COL14A1: variants seen among roughly 807,000 people sequenced by gnomAD.
COL14A1 encodes collagen alpha-1(XIV) chain.
COL14A1 carries 136 observed loss-of-function variants against 230.3 expected under a neutral mutation model. The ratio of observed to expected loss-of-function variants is 0.59; its 90% CI spans 0.51 to 0.68. The LOEUF (loss-of-function observed/expected upper bound fraction) is 0.68. COL14A1 is among the 30% of genes least tolerant of loss of function. COL14A1 has a pLI of 0.00. For synonymous variants in COL14A1, 792 were observed against 784.1 expected (o/e 1.01, Z -0.17); for missense variants, 1,976 against 2,215.8 (o/e 0.89, Z 2.17).
intron 34 of COL14A1, among the ~76,000 whole-genome samples, chr8:120,290,926 A>G (rs986647953): frequency 2.6e-5 from 4 of 152,212 alleles, no homozygotes; most frequent in Non-Finnish European, 5.9e-5. Context: ...CTTACAGTTG[A>G]AGTATCTTTA....
chr8:120,351,137 A>G (rs1340452886), intron 45 of COL14A1, among the ~76,000 whole-genome samples: 2 of 143,230 alleles, frequency 1.4e-5, no homozygotes, highest in East Asian at 4.2e-4. Context: ...CTGAATGACT[A>G]CTGGGTACAT....
chr8:120,260,367 A>G (rs1008416163), intron 23 of COL14A1, among the ~76,000 whole-genome samples: 3 of 152,186 alleles, frequency 2.0e-5, no homozygotes, highest in Non-Finnish European at 2.9e-5. Flanking sequence ...CTTATAAAAT[A>G]GACAAAAATT....
chr8:120,162,754 C>T (rs373830199), intron 4 of COL14A1, among the ~76,000 whole-genome samples, 185 bp downstream of exon 4: 1 of 152,148 alleles, frequency 6.6e-6, no homozygotes, highest in East Asian at 1.9e-4. Flanking sequence ...CCTTCCCTTT[C>T]CCCCATTTTG....
intron 26 of COL14A1, among the ~76,000 whole-genome samples, chr8:120,271,681 A>G (rs1819670086): frequency 6.6e-6 from 1 of 151,610 alleles, no homozygotes; most frequent in Non-Finnish European, 1.5e-5. Context: ...TTGAAACTTC[A>G]TACACCAAAA....
At chr8:120,337,659 A>G (rs1822132368) in intron 42 of COL14A1, among the ~76,000 whole-genome samples, 1 of 152,006 alleles carries the variant, frequency 6.6e-6, no homozygotes, top group South Asian at 2.1e-4. Context: ...TAGCTGCTGT[A>G]TTTTCTTTTC....
rs3054171 is a variant in COL14A1 at position 120,334,585 on chromosome 8, A to AACACACACACACAC, written c.4785+1871_4785+1884dup. On this transcript the variant is annotated intron_variant, in intron 42 of 47. Transcript: ENST00000297848. ...AAAAATGCATGCGTTCACACACAAA[A>AACACACACACACAC]ACACACACACACACACACACACACA... is the stretch of plus-strand genomic sequence containing the variant. Among the ~76,000 whole-genome samples, 205 of 144,778 alleles carry AACACACACACACAC rather than the reference A, an allele frequency of 1.4e-3. 2 individuals carry two copies. The highest frequency in any genetic ancestry group is 4.2e-3 in the East Asian group (20 of 4,742). The allele number at this position is 144,778 out of a possible 152,430, so 95.0% of individuals were successfully genotyped here.
intron 19 of COL14A1, among the ~76,000 whole-genome samples, chr8:120,237,713 G>A (rs1253155438): frequency 6.6e-6 from 1 of 152,170 alleles, no homozygotes; most frequent in Non-Finnish European, 1.5e-5. Flanking sequence ...GAAACTTTCA[G>A]CCTTTTTATG....
intron 5 of COL14A1, among the ~76,000 whole-genome samples, chr8:120,169,652 T>C (rs1285872844): frequency 6.6e-6 from 1 of 152,122 alleles, no homozygotes. Context: ...CTTGCAACTT[T>C]ATTCATCTTT....
chr8:120,126,385 A>C (rs1814336778), intron 1 of COL14A1, among the ~76,000 whole-genome samples: 1 of 152,180 alleles, frequency 6.6e-6, no homozygotes, highest in South Asian at 2.1e-4. Flanking sequence ...CCGTGTCCAA[A>C]TGAAGCTTGT....
chr8:120,133,368 A>G (rs796695316), intron 1 of COL14A1, among the ~76,000 whole-genome samples: 2 of 152,198 alleles, frequency 1.3e-5, no homozygotes, highest in South Asian at 4.1e-4. Flanking sequence ...GCTACAGATT[A>G]ATTTCACTAA....
chr8:120,265,424 T>C (rs1270264985), intron 24 of COL14A1, among the ~76,000 whole-genome samples: 1 of 152,106 alleles, frequency 6.6e-6, no homozygotes, highest in Non-Finnish European at 1.5e-5. Flanking sequence ...AATTTCTCAT[T>C]TTTTAAATTT....
chr8:120,330,957 T>C (rs1821841514), intron 40 of COL14A1, among the ~76,000 whole-genome samples: 1 of 151,850 alleles, frequency 6.6e-6, no homozygotes, highest in Non-Finnish European at 1.5e-5. Flanking sequence ...AATACGAAAT[T>C]AGCCAGTCGT....
intron 35 of COL14A1, among the ~76,000 whole-genome samples, chr8:120,298,642 A>C (rs1454158511): frequency 8.7e-5 from 5 of 57,182 alleles, no homozygotes; most frequent in Admixed American, 7.9e-4. Flanking sequence ...TATATATACA[A>C]AAATACAGAT....
chr8:120,296,906 C>T (rs577796778), intron 34 of COL14A1, among the ~76,000 whole-genome samples: 108 of 152,068 alleles, frequency 7.1e-4, no homozygotes, highest in Non-Finnish European at 1.2e-3. Flanking sequence ...GCTCCCCTCT[C>T]ACTCCCTGTA....
chr8:120,226,691 C>T lies in COL14A1; in HGVS notation c.1929C>T (p.Thr643=). 6.2e-7 allele frequency: 1 copy of T among 1,613,856 alleles called. No homozygotes were observed. Among genetic ancestry groups the T allele is most frequent in the Non-Finnish European group, 8.5e-7 (1 of 1,179,860 alleles). The change falls in exon 16 of 48, where the codon ACC becomes ACT. Residue 643 remains threonine (T), a synonymous_variant. Coordinates refer to ENST00000297848, the MANE Select transcript of COL14A1 (RefSeq NM_021110.4). The part of the protein sequence containing the change: ...DEVTTDSFRV[T]WHPLSADEGL... ...TGACGACAGACAGTTTTAGGGTGAC[C>T]TGGCATCCCCTCTCAGCTGATGAAG...
At position 120,224,927 on chromosome 8, in the gene COL14A1, A is replaced by G. The variant is rs73327367; in HGVS notation, c.1738-161A>G. On this transcript the variant is annotated intron_variant, in intron 14 of 47. Transcript: ENST00000297848. ...TCACTGATGGGTAATCTAAGGGTGT[A>G]AGATCAGAAATGTTCATACATAAAC... is the stretch of plus-strand genomic sequence containing the variant. Among the ~76,000 whole-genome samples, 745 of 152,358 alleles carry G rather than the reference A, an allele frequency of 4.9e-3. 10 individuals carry two copies. The highest frequency in any genetic ancestry group is 0.017 in the African/African-American group (718 of 41,584).
intron 11 of COL14A1, among the ~76,000 whole-genome samples, chr8:120,208,953 A>T (rs1347154984): frequency 6.6e-6 from 1 of 152,190 alleles, no homozygotes. Flanking sequence ...CAGAGTTCCT[A>T]TTACATGCAA....
At chr8:120,366,271 G>T (rs1004027004) in intron 45 of COL14A1, among the ~76,000 whole-genome samples, 6 of 152,144 alleles carry the variant, frequency 3.9e-5, no homozygotes, top group African/African-American at 1.4e-4. Flanking sequence ...CTGTCAAATT[G>T]GCCATTTTTC....
chr8:120,244,131 G>T, intron 20 of COL14A1, 123 bp downstream of exon 20: 4 of 1,161,896 alleles, frequency 3.4e-6, no homozygotes, highest in Non-Finnish European at 4.8e-6. Context: ...TTGGGAACAG[G>T]AAATCTGTCT....
Sources: gnomAD v4.1 joint callset for allele counts (sites outside exome capture counted in the v4.1 genomes callset) on GRCh38, gnomAD v4.1.1 for gene constraint, MANE v1.5 for transcripts, NCBI Gene and HGNC (gene_info 2026-07-23, HGNC 2026-07-21) for gene names.